The following HMG20B variants were observed in gnomAD, a reference collection of about 807,000 sequenced individuals.
The protein encoded by HMG20B is high mobility group 20B.
A neutral mutation model predicts 41.6 loss-of-function variants in HMG20B; 24 were observed. That is an observed-to-expected ratio of 0.58 (90% CI 0.42 to 0.81). The LOEUF is 0.81. Ranked by LOEUF, HMG20B falls within the 30% of genes least tolerant of loss-of-function variation. HMG20B has a pLI of 0.00. For synonymous variants in HMG20B, 251 were observed against 186.6 expected (o/e 1.34, Z -2.81); for missense variants, 461 against 444.0 (o/e 1.04, Z -0.34).
At chr19:3,578,283 C>T in intron 9 of HMG20B, 170 bp downstream of exon 9, 1 of 1,136,056 alleles carries the variant, frequency 8.8e-7, no homozygotes. Flanking sequence ...GCTAGGATGG[C>T]CATGGAGAAC....
chr19:3,574,584 C>A lies in HMG20B; in HGVS notation c.349C>A (p.Gln117Lys). 6.3e-7 allele frequency: 1 copy of A among 1,594,544 alleles called. No homozygotes were observed. Reference protein sequence around the residue: ...EWSKLQPTEKQRYLDEAEREK... With the variant: ...EWSKLQPTEKKRYLDEAEREK... ...GAGCAAGCTGCAGCCAACGGAAAAG[C>A]AGGTGGGCGGGGCGGGGCGCCGAGC... Residue 117 changes from glutamine (Q) to lysine (K), a missense_variant and splice_region_variant, in exon 4 of 10, where the codon CAG becomes AAG. Physicochemically the swap from Gln to Lys is moderately conservative, Grantham distance 53 (BLOSUM62 1). Coordinates refer to ENST00000333651, the MANE Select transcript of HMG20B (RefSeq NM_006339.3).
intron 2 of HMG20B, 101 bp downstream of exon 2, chr19:3,573,448 C>G (rs1398590517): frequency 6.3e-6 from 8 of 1,277,444 alleles, no homozygotes; most frequent in Non-Finnish European, 8.4e-6. Flanking sequence ...GTCTTGACTC[C>G]CCCACCTGGG....
Position 3,578,011 on chromosome 19 carries a change from T to C in HMG20B, c.839T>C (p.Leu280Pro). 2 of 1,607,232 alleles carry C rather than the reference T, an allele frequency of 1.2e-6. No individual in the cohort carries two copies. Among genetic ancestry groups the C allele is most frequent in the Non-Finnish European group, 1.7e-6 (2 of 1,178,240 alleles). ...GTGETPTLGT[L>P]DFYMARLHGA... is the part of the protein sequence containing the mutation. ...GGCGAAACGCCCACGCTGGGCACTC[T>C]GGACTTCTACATGGCCCGGCTTCAC... Residue 280 changes from leucine (L) to proline (P), a missense_variant, in exon 9 of 10, where the codon CTG becomes CCG. Leu to Pro is a moderately conservative substitution (Grantham distance 98). Around this residue, in one of 3 missense-constraint regions of HMG20B, gnomAD observed 308 missense variants for 283.4 expected, o/e 1.09. Transcript: ENST00000333651.
intron 8 of HMG20B, among the ~76,000 whole-genome samples, chr19:3,577,355 C>T (rs954478018): frequency 2.0e-5 from 3 of 149,734 alleles, no homozygotes; most frequent in Non-Finnish European, 4.5e-5. Context: ...AGCTCCGCTC[C>T]GCGCCCCGTT....
rs976610949 is a variant in HMG20B, at chr19:3,575,629, G to C, written c.441G>C (p.Thr147=). 16 of 1,551,354 alleles carry C rather than the reference G, an allele frequency of 1.0e-5. No individual in the cohort carries two copies. Among genetic ancestry groups the C allele is most frequent in the Admixed American group, 2.0e-5 (1 of 50,976 alleles). Residue 147 remains threonine (T), a synonymous_variant, in exon 5 of 10, where the codon ACG becomes ACC. Coordinates refer to ENST00000333651, the MANE Select transcript of HMG20B (RefSeq NM_006339.3). ...YQQSEAYKMC[T]EKIQEKKIKK... ...AGTCTGAAGCCTATAAGATGTGCAC[G>C]GAGAAGATCCAGGAGAAGAAGATCA...
At chr19:3,577,167 C>CCCCTCCTCCCT in intron 8 of HMG20B, 60 bp downstream of exon 8, 3 of 1,161,528 alleles carry the variant, frequency 2.6e-6, no homozygotes, top group Non-Finnish European at 3.5e-6. Flanking sequence ...CCGCCTCCCC[C>CCCCTCCTCCCT]CCCCTCCTCC....
At chr19:3,577,659 C>G (rs1238642305) in intron 8 of HMG20B, among the ~76,000 whole-genome samples, 1 of 139,190 alleles carries the variant, frequency 7.2e-6, no homozygotes, top group African/African-American at 2.6e-5. Context: ...TGAGCCCCCT[C>G]CACCACCCCA....
chr19:3,575,515 C>A (rs2032138197), intron 4 of HMG20B, 25 bp from the exon 5 acceptor site: 1 of 1,560,414 alleles, frequency 6.4e-7, no homozygotes, highest in Admixed American at 1.9e-5. Flanking sequence ...TCCCCTGCTT[C>A]AAGCCTTCTG....
Position 3,573,295 on chromosome 19 carries a change from C to T in HMG20B, c.-15C>T. On this transcript the variant is annotated 5_prime_UTR_variant, in exon 2 of 10. Transcript: ENST00000333651. ...TCCGCCCGCGTCCGTGTTCCAGGTCCGGCCCGGAGCGGCCATGTCCCACGG... is the reference window on the plus strand; with the variant it reads ...TCCGCCCGCGTCCGTGTTCCAGGTCTGGCCCGGAGCGGCCATGTCCCACGG... The T allele has an allele frequency of 2.0e-6, 3 of 1,523,036 alleles. No homozygotes were observed. The highest frequency in any genetic ancestry group is 1.8e-6 in the Non-Finnish European group (2 of 1,138,788). The allele number at this position is 1,523,036 out of a possible 1,614,324, so 94.3% of individuals were successfully genotyped here.
At chr19:3,575,770 T>A (rs1001626569) in intron 5 of HMG20B, 110 bp downstream of exon 5, 1 of 870,914 alleles carries the variant, frequency 1.1e-6, no homozygotes, top group Non-Finnish European at 1.7e-6. Context: ...AGTGAAACCC[T>A]CCCCCTCTAC....
At chr19:3,574,302 C>G in intron 3 of HMG20B, 81 bp from the exon 4 acceptor site, 34 of 1,177,394 alleles carry the variant, frequency 2.9e-5, no homozygotes, top group Non-Finnish European at 3.6e-5. Flanking sequence ...CGCCCATACG[C>G]GTTAGGCCCC....
Position 3,576,883 on chromosome 19 carries a change from C to T in HMG20B, c.593-9C>T, listed in dbSNP as rs368559987. ...GGCGCAGGCTTTGACCCCGCTCCCC[C>T]CGGCGCAGCGCGTGAGGCGGAGCTT... On this transcript the variant is annotated splice_polypyrimidine_tract_variant and intron_variant, in intron 7 of 9. Coordinates refer to ENST00000333651, the MANE Select transcript of HMG20B (RefSeq NM_006339.3). The T allele has an allele frequency of 2.6e-6, 4 of 1,562,478 alleles. No individual in the cohort carries two copies. Among genetic ancestry groups the T allele is most frequent in the Admixed American group, 1.9e-5 (1 of 52,394 alleles).
intron 1 of HMG20B, 114 bp downstream of exon 1, chr19:3,573,108 G>A (rs948197676): frequency 5.8e-6 from 3 of 514,684 alleles, no homozygotes; most frequent in East Asian, 7.1e-5. Flanking sequence ...CTCCCGGGGG[G>A]GGCAATCGCC....
chr19:3,576,605 A>G lies in HMG20B; in HGVS notation c.572A>G (p.Glu191Gly), dbSNP rs1599856145. The G allele has an allele frequency of 6.2e-7, 1 of 1,613,556 alleles. No homozygotes were observed. The highest frequency in any genetic ancestry group is 8.5e-7 in the Non-Finnish European group (1 of 1,179,730). Residue 191 changes from glutamate (E) to glycine (G), a missense_variant, in exon 7 of 10, where the codon GAG (glutamate) becomes GGG (glycine). Around this residue, in one of 3 missense-constraint regions of HMG20B, gnomAD observed 308 missense variants for 283.4 expected, o/e 1.09. Coordinates refer to ENST00000333651, the MANE Select transcript of HMG20B (RefSeq NM_006339.3). ...STFDVPIFTE[E>G]FLDQNKAREA... ...TTCGATGTTCCCATCTTCACTGAAGAGTTCTTGGACCAAAACAAAGGTGAG... is the reference window on the plus strand; with the variant it reads ...TTCGATGTTCCCATCTTCACTGAAGGGTTCTTGGACCAAAACAAAGGTGAG...
intron 8 of HMG20B, among the ~76,000 whole-genome samples, chr19:3,577,685 A>G (rs1599857459): frequency 9.4e-6 from 1 of 106,468 alleles, no homozygotes; most frequent in African/African-American, 3.6e-5. Flanking sequence ...GTCCCACGCG[A>G]CCCCAGCCCC....
At chr19:3,574,063 C>G in intron 3 of HMG20B, 1 of 650,332 alleles carries the variant, frequency 1.5e-6, no homozygotes, top group South Asian at 1.7e-5. Flanking sequence ...GCACCCTCCC[C>G]TTGGTCCTGT....
rs766488029 is a variant in HMG20B, at chr19:3,578,765, T to A, written c.*244T>A. The A allele has an allele frequency of 4.0e-6, 3 of 752,210 alleles. No homozygotes were observed. In the South Asian group the frequency reaches 4.3e-5, roughly 11 times the overall value. The allele number at this position is 752,210 out of a possible 1,614,324, so 46.6% of individuals were successfully genotyped here. A position where few individuals can be genotyped will look rare whatever the true frequency, so the allele number is the denominator to read the frequency against. ...CCCAGAAGAACCTCACAGCCGAGGG[T>A]GCCCCTCCTCGGAGGACAGCCACGC... is the stretch of plus-strand genomic sequence containing the variant. On this transcript the variant is annotated 3_prime_UTR_variant, in exon 10 of 10. Coordinates refer to ENST00000333651, the MANE Select transcript of HMG20B (RefSeq NM_006339.3).
Position 3,576,237 on chromosome 19 carries a change from C to T in HMG20B, c.473-24C>T, listed in dbSNP as rs1307736136. On this transcript the variant is annotated intron_variant, in intron 5 of 9. Coordinates refer to ENST00000333651, the MANE Select transcript of HMG20B (RefSeq NM_006339.3). The stretch of plus-strand genomic sequence containing the variant: ...GTCCCTGGAGGCCTGGGAGGCTGAC[C>T]CTGCCCTTCCCCTCCCCCGCCAGAA... The T allele has an allele frequency of 3.1e-6, 5 of 1,612,492 alleles. No homozygotes were observed. The African/African-American group carries it at 4.0e-5, about 13-fold the overall frequency.
At chr19:3,576,652 G>T (rs187827027) in intron 7 of HMG20B, 27 bp downstream of exon 7, 2 of 1,590,846 alleles carry the variant, frequency 1.3e-6, no homozygotes, top group Admixed American at 1.7e-5. Flanking sequence ...CTCCTGATGC[G>T]AACTCCGTGA....
Sources: allele counts gnomAD v4.1 joint callset (sites outside exome capture counted in the v4.1 genomes callset), GRCh38; gene constraint gnomAD v4.1.1; regional missense constraint gnomAD v4.1.1; transcripts MANE v1.5; gene names NCBI Gene and HGNC (gene_info 2026-07-23, HGNC 2026-07-21).